The following IKZF2 variants were observed in gnomAD, a reference collection of about 807,000 sequenced individuals.
The protein encoded by IKZF2 is IKAROS family zinc finger 2.
Under a neutral mutation model 49.2 loss-of-function variants are expected in IKZF2, and 15 were observed. The ratio of observed to expected loss-of-function variants is 0.30; its 90% CI spans 0.20 to 0.47. The LOEUF (loss-of-function observed/expected upper bound fraction) is 0.47. Ranked by LOEUF, IKZF2 falls within the 20% of genes least tolerant of loss-of-function variation. The pLI, the probability that IKZF2 is intolerant of heterozygous loss-of-function variation, is 1.00. For synonymous variants in IKZF2, 227 were observed against 221.4 expected (o/e 1.03, Z -0.23); for missense variants, 567 against 664.6 (o/e 0.85, Z 1.61).
chr2:213,066,697 T>TTTG (rs111602305), intron 4 of IKZF2, among the ~76,000 whole-genome samples: 160 of 152,052 alleles, frequency 1.1e-3, no homozygotes, highest in African/African-American at 2.8e-3. Flanking sequence ...GCAGCAGCAG[T>TTTG]TTGTTGTTGT....
At chr2:213,138,581 C>CTACAATGCA (rs555998951) in intron 4 of IKZF2, among the ~76,000 whole-genome samples, 241 of 152,032 alleles carry the variant, frequency 1.6e-3, no homozygotes, top group Middle Eastern at 6.8e-3. Flanking sequence ...TACAGGGCTC[C>CTACAATGCA]TACAATGCAT....
At chr2:213,136,370 C>CAAAAAAAA (rs11325415) in intron 4 of IKZF2, among the ~76,000 whole-genome samples, 9 of 53,558 alleles carry the variant, frequency 1.7e-4, no homozygotes, top group African/African-American at 3.5e-4. Context: ...GACACTGTCT[C>CAAAAAAAA]AAAAAAAAAA....
At chr2:213,039,495 A>G (rs934395021) in intron 6 of IKZF2, among the ~76,000 whole-genome samples, 3 of 152,114 alleles carry the variant, frequency 2.0e-5, no homozygotes, top group Non-Finnish European at 4.4e-5. Flanking sequence ...TAAACAACAA[A>G]CTTCATAAGC....
At chr2:213,094,995 G>C (rs1301856332) in intron 4 of IKZF2, among the ~76,000 whole-genome samples, 2 of 152,078 alleles carry the variant, frequency 1.3e-5, no homozygotes, top group Non-Finnish European at 2.9e-5. Flanking sequence ...TGGTATATGA[G>C]AATTATGAGT....
intron 4 of IKZF2, among the ~76,000 whole-genome samples, chr2:213,066,033 A>G (rs978282936): frequency 6.6e-6 from 1 of 152,122 alleles, no homozygotes; most frequent in Non-Finnish European, 1.5e-5. Flanking sequence ...TTCATATAAG[A>G]GCAATCTACT....
At chr2:213,124,236 G>GCACT (rs1491584952) in intron 4 of IKZF2, among the ~76,000 whole-genome samples, 3,837 of 82,724 alleles carry the variant, frequency 0.046, 78 homozygotes, top group East Asian at 0.17. Context: ...ACGCACACAT[G>GCACT]CGCTCGCGCG....
intron 4 of IKZF2, among the ~76,000 whole-genome samples, chr2:213,069,071 G>A (rs1430061379): frequency 3.3e-5 from 5 of 152,034 alleles, no homozygotes; most frequent in Admixed American, 2.6e-4. Flanking sequence ...CTTTGTCCCC[G>A]TCAGGATGTG....
At chr2:213,082,943 G>A (rs558064997) in intron 4 of IKZF2, among the ~76,000 whole-genome samples, 2 of 151,936 alleles carry the variant, frequency 1.3e-5, no homozygotes, top group Non-Finnish European at 2.9e-5. Context: ...TGGTTTGCAG[G>A]GTTTTTAACA....
intron 4 of IKZF2, among the ~76,000 whole-genome samples, chr2:213,059,541 T>A (rs1701485304): frequency 6.6e-6 from 1 of 151,584 alleles, no homozygotes; most frequent in Admixed American, 6.6e-5. Flanking sequence ...AAATTAAAAT[T>A]AAGAAAGAAA....
At position 213,065,959 on chromosome 2, in the gene IKZF2, TG is replaced by T. The variant is rs1408750619; in HGVS notation, c.140-8861del. Among the ~76,000 whole-genome samples, 9 of 152,226 alleles carry T rather than the reference TG, an allele frequency of 5.9e-5. No individual in the cohort carries two copies. In the East Asian group the frequency reaches 1.7e-3, roughly 29 times the overall value. ...AGTCTGAGGTAAAGAGAAAGTTGTC[TG>T]AGTAAGCCTGTTTTGGAAGAAGACC... On this transcript the variant is annotated intron_variant, in intron 4 of 8. Coordinates refer to ENST00000434687, the MANE Select transcript of IKZF2 (RefSeq NM_001387220.1).
intron 4 of IKZF2, among the ~76,000 whole-genome samples, chr2:213,060,429 C>G (rs73987749): frequency 0.016 from 2,364 of 151,388 alleles, 52 homozygotes; most frequent in African/African-American, 0.054. Flanking sequence ...GAGTGCTTTA[C>G]TTTTCAAATA....
intron 4 of IKZF2, among the ~76,000 whole-genome samples, chr2:213,091,577 C>T (rs1705336744): frequency 6.6e-6 from 1 of 152,078 alleles, no homozygotes; most frequent in South Asian, 2.1e-4. Context: ...CCCTCAATGG[C>T]TGAGTTTTGA....
chr2:213,036,482 T>C (rs1699038809), intron 6 of IKZF2, among the ~76,000 whole-genome samples: 1 of 152,172 alleles, frequency 6.6e-6, no homozygotes, highest in South Asian at 2.1e-4. Context: ...TTGACCTCCA[T>C]GAATCTTTAA....
At chr2:213,115,136 A>C (rs2059828969) in intron 4 of IKZF2, among the ~76,000 whole-genome samples, 1 of 152,220 alleles carries the variant, frequency 6.6e-6, no homozygotes, top group African/African-American at 2.4e-5. Flanking sequence ...ATAATAAAGC[A>C]TACTGCATGT....
At chr2:213,022,198 AC>A (rs1456662808) in intron 6 of IKZF2, 68 bp from the exon 7 acceptor site, 38 of 1,390,894 alleles carry the variant, frequency 2.7e-5, no homozygotes, top group Non-Finnish European at 3.5e-5. Flanking sequence ...TCAATAGCTA[AC>A]TTTTGATAGT....
At chr2:213,063,491 T>C (rs1172981841) in intron 4 of IKZF2, among the ~76,000 whole-genome samples, 1 of 151,978 alleles carries the variant, frequency 6.6e-6, no homozygotes, top group Admixed American at 6.6e-5. Context: ...ACACTTGATG[T>C]TTCTGAAAAC....
In IKZF2 at chr2:213,151,592, T is replaced by A. The variant is rs1481131268; in HGVS notation, c.-299A>T. 6.6e-6 allele frequency: 1 copy of A among 152,392 alleles called. No homozygotes were observed. Among genetic ancestry groups the A allele is most frequent in the Non-Finnish European group, 1.5e-5 (1 of 67,964 alleles). The allele number at this position is 152,392 out of a possible 1,614,324, so 9.4% of individuals were successfully genotyped here. ...AATCCTGTTTTTACTTCCTCCATCT[T>A]CAGCGAGGAGCAGGGTTAGCCCGGG... On this transcript the variant is annotated 5_prime_UTR_variant, in exon 1 of 9. Transcript: ENST00000434687.
intron 6 of IKZF2, among the ~76,000 whole-genome samples, chr2:213,032,297 C>T (rs1698519632): frequency 6.6e-6 from 1 of 152,162 alleles, no homozygotes; most frequent in Admixed American, 6.5e-5. Context: ...TCCACCCCAT[C>T]ACAATAAAGA....
chr2:213,077,813 C>A (rs1169982389), intron 4 of IKZF2, among the ~76,000 whole-genome samples: 1 of 152,038 alleles, frequency 6.6e-6, no homozygotes, highest in African/African-American at 2.4e-5. Flanking sequence ...TGGTCTCGAT[C>A]TCCTGACCTC....
Sources: gnomAD v4.1 joint callset for allele counts (sites outside exome capture counted in the v4.1 genomes callset) on GRCh38, gnomAD v4.1.1 for gene constraint, MANE v1.5 for transcripts, NCBI Gene and HGNC (gene_info 2026-07-23, HGNC 2026-07-21) for gene names.